Variants in DMD observed in about 807,000 individuals in gnomAD.
DMD encodes mutant dystrophin.
DMD carries 63 observed loss-of-function variants against 330.1 expected under a neutral mutation model. The ratio of observed to expected loss-of-function variants is 0.19; its 90% CI spans 0.16 to 0.24. DMD has a LOEUF of 0.24. Ranked by LOEUF, DMD falls within the 10% of genes least tolerant of loss-of-function variation. The probability of loss-of-function intolerance (pLI) is 1.00; values close to 1 mark genes in which losing one functional copy is unlikely to be tolerated. For missense variants in DMD, 3,344 were observed against 2,684.1 expected (o/e 1.25, Z -5.43); for synonymous variants, 1,223 against 959.8 (o/e 1.27, Z -5.07).
At chrX:31,408,997 C>T (rs2061526213) in intron 60 of DMD, among the ~76,000 whole-genome samples, 1 of 110,468 alleles carries the variant, frequency 9.1e-6, no homozygotes, top group Non-Finnish European at 1.9e-5. Context: ...CATGTGTTCT[C>T]ATTGTTCAAT....
In DMD at chrX:31,492,978, ACAAAC is replaced by A. The variant is rs1469889244; in HGVS notation, c.8547+3805_8547+3809del. Among the ~76,000 whole-genome samples, 5 of 111,404 alleles carry A rather than the reference ACAAAC, an allele frequency of 4.5e-5. 1 individual carries two copies. The highest frequency in any genetic ancestry group is 9.4e-5 in the Non-Finnish European group (5 of 53,094). On this transcript the variant is annotated intron_variant, in intron 57 of 78. Coordinates refer to ENST00000357033, the MANE Select transcript of DMD (RefSeq NM_004006.3). ...ACCATGGCACATGTATACCTATGTA[ACAAAC>A]CTGCACTTTCTGCACATGTATCCCA...
chrX:33,093,833 T>A (rs1171342316), intron 1 of DMD, among the ~76,000 whole-genome samples: 1 of 111,276 alleles, frequency 9.0e-6, no homozygotes, highest in Non-Finnish European at 1.9e-5. Flanking sequence ...GTTTTCAGAT[T>A]TGATTATATT....
intron 1 of DMD, among the ~76,000 whole-genome samples, chrX:33,195,385 C>T (rs1201701649): frequency 5.4e-5 from 6 of 111,429 alleles, no homozygotes; most frequent in Non-Finnish European, 1.1e-4. Context: ...CAAAGGACAG[C>T]AGCCCTGGCA....
At chrX:31,610,856 A>G (rs908301836) in intron 55 of DMD, among the ~76,000 whole-genome samples, 2 of 111,437 alleles carry the variant, frequency 1.8e-5, no homozygotes, top group Non-Finnish European at 3.8e-5. Flanking sequence ...GTTTTTATGC[A>G]AAGGGAAAAA....
At chrX:31,816,794 T>TCACA (rs759346277) in intron 50 of DMD, among the ~76,000 whole-genome samples, 1,193 of 85,342 alleles carry the variant, frequency 0.014, 12 homozygotes, top group African/African-American at 0.032. Flanking sequence ...CAAGATTCTG[T>TCACA]CACACACACA....
At chrX:32,956,824 C>G (rs2091621835) in intron 2 of DMD, among the ~76,000 whole-genome samples, 1 of 110,917 alleles carries the variant, frequency 9.0e-6, no homozygotes, top group Admixed American at 9.7e-5. Context: ...ACATGAAGCC[C>G]CTGCCCACAC....
At chrX:32,346,306 G>A (rs759178619) in intron 38 of DMD, among the ~76,000 whole-genome samples, 1 of 111,168 alleles carries the variant, frequency 9.0e-6, no homozygotes, top group African/African-American at 3.3e-5. Context: ...CATTTTTAGG[G>A]GCACCTGTAG....
intron 51 of DMD, among the ~76,000 whole-genome samples, chrX:31,773,662 T>G (rs780239722): frequency 4.5e-5 from 5 of 110,613 alleles, no homozygotes; most frequent in Admixed American, 9.7e-5. Context: ...ATAAAATAGA[T>G]TTTTAAAATA....
chrX:33,009,444 ATGTATGTATGTGTATACACATATGTG>A (rs1318624140), intron 2 of DMD, among the ~76,000 whole-genome samples: 1 of 26,632 alleles, frequency 3.8e-5, no homozygotes, highest in African/African-American at 1.9e-4. Flanking sequence ...GTATACACAT[ATGTATGTATGTGTATACACATATGTG>A]TGTATGTGTA....
chrX:31,933,732 C>A (rs2094888080), intron 45 of DMD, among the ~76,000 whole-genome samples: 1 of 111,791 alleles, frequency 8.9e-6, no homozygotes, highest in Non-Finnish European at 1.9e-5. Flanking sequence ...ATAACCAGTA[C>A]CCTGTCAACT....
chrX:33,044,437 G>A (rs1319913883), intron 1 of DMD, among the ~76,000 whole-genome samples: 1 of 111,550 alleles, frequency 9.0e-6, no homozygotes, highest in African/African-American at 3.3e-5. Context: ...GTCTCAAAAA[G>A]AAAGCAAGGA....
intron 50 of DMD, among the ~76,000 whole-genome samples, chrX:31,816,796 A>T (rs112022995): frequency 1.1e-4 from 9 of 80,865 alleles, no homozygotes; most frequent in Non-Finnish European, 1.6e-4. Context: ...AGATTCTGTC[A>T]CACACACACA....
At chrX:32,941,074 G>T (rs935302604) in intron 2 of DMD, among the ~76,000 whole-genome samples, 1 of 111,852 alleles carries the variant, frequency 8.9e-6, no homozygotes, top group Non-Finnish European at 1.9e-5. Context: ...AATTGTCAGA[G>T]AAATGCAAAT....
In DMD at chrX:31,918,482, G is replaced by A. The variant is rs769820934; in HGVS notation, c.6912+11114C>T. 2.7e-5 allele frequency among the ~76,000 whole-genome samples: 3 copies of A among 111,393 alleles called. No homozygotes were observed. The South Asian group carries it at 1.1e-3, about 42-fold the overall frequency. The stretch of plus-strand genomic sequence containing the variant: ...CCATTAGAATATTTGAGGCCACGTT[G>A]GGAATTAACCACACGCGAACTGAGA... On this transcript the variant is annotated intron_variant, in intron 47 of 78. Coordinates refer to ENST00000357033, the MANE Select transcript of DMD (RefSeq NM_004006.3).
At chrX:31,400,353 A>C (rs756852091) in intron 60 of DMD, among the ~76,000 whole-genome samples, 2 of 111,001 alleles carry the variant, frequency 1.8e-5, no homozygotes, top group East Asian at 5.7e-4. Flanking sequence ...AAGTTGTCCC[A>C]CCCTTCTGGA....
chrX:32,867,778 T>TG (rs1180700617), intron 2 of DMD, among the ~76,000 whole-genome samples: 5 of 112,015 alleles, frequency 4.5e-5, no homozygotes, highest in Admixed American at 2.8e-4. Context: ...AAAAGATTGG[T>TG]GCTCACTCAC....
intron 56 of DMD, 95 bp from the exon 57 acceptor site, chrX:31,497,039 G>T: frequency 2.0e-6 from 2 of 1,013,670 alleles, no homozygotes; most frequent in Non-Finnish European, 2.7e-6. Context: ...AACCTATTGT[G>T]AACTACAAAG....
At chrX:32,741,296 C>T (rs2069232784) in intron 7 of DMD, among the ~76,000 whole-genome samples, 1 of 111,515 alleles carries the variant, frequency 9.0e-6, no homozygotes, top group South Asian at 3.8e-4. Context: ...CAAAAGTTTT[C>T]ATGAGATTAT....
intron 78 of DMD, among the ~76,000 whole-genome samples, chrX:31,126,070 G>A (rs1175774568): frequency 1.8e-5 from 2 of 111,502 alleles, no homozygotes; most frequent in Non-Finnish European, 3.8e-5. Context: ...TACCTCACAG[G>A]TTTGTCATGA....
Sources: allele counts gnomAD v4.1 joint callset (sites outside exome capture counted in the v4.1 genomes callset), GRCh38; gene constraint gnomAD v4.1.1; transcripts MANE v1.5; gene names NCBI Gene and HGNC (gene_info 2026-07-23, HGNC 2026-07-21).